ZNF730: variants seen among roughly 807,000 people sequenced by gnomAD.
The protein encoded by ZNF730 is zinc finger protein 730.
Under a neutral mutation model 12.6 loss-of-function variants are expected in ZNF730, and 12 were observed. That is an observed-to-expected ratio of 0.95 (90% confidence interval 0.61 to 1.54). ZNF730 has a LOEUF of 1.54. Ranked by LOEUF, ZNF730 falls within the 40% of genes most tolerant of loss-of-function variation. ZNF730 has a pLI of 0.00. For synonymous variants in ZNF730, 194 were observed against 195.8 expected, an observed-to-expected ratio of 0.99 and a Z score of 0.08; for missense variants, 643 against 583.5, an observed-to-expected ratio of 1.10 and a Z score of -1.05.
intron 1 of ZNF730, among the ~76,000 whole-genome samples, chr19:23,109,618 T>C (rs1423072197): frequency 6.6e-6 from 1 of 152,006 alleles, no homozygotes; most frequent in African/African-American, 2.4e-5. Context: ...GTCAGGCTGG[T>C]TTTGAACTCC....
intron 1 of ZNF730, among the ~76,000 whole-genome samples, chr19:23,099,348 A>G (rs1970301528): frequency 6.6e-6 from 1 of 152,182 alleles, no homozygotes; most frequent in Non-Finnish European, 1.5e-5. Flanking sequence ...TGACTCATGC[A>G]TACCATATAA....
At chr19:23,090,967 T>G (rs1160503811) in intron 1 of ZNF730, among the ~76,000 whole-genome samples, 1 of 149,768 alleles carries the variant, frequency 6.7e-6, no homozygotes, top group East Asian at 2.0e-4. Flanking sequence ...GCCATTGCAC[T>G]CCATCCTGGG....
At chr19:23,085,496 C>CTTTTTTTTTTTTTTTTTTTT (rs58871710) in intron 1 of ZNF730, among the ~76,000 whole-genome samples, 1 of 52,762 alleles carries the variant, frequency 1.9e-5, no homozygotes, top group Non-Finnish European at 3.6e-5. Flanking sequence ...CCATGCCCGT[C>CTTTTTTTTTTTTTTTTTTTT]TTTTTTTTTT....
rs778754808 is a variant in ZNF730, at chr19:23,146,219, TAG to T, written c.1179_1180del (p.Lys394IlefsTer5). On this transcript the variant is annotated frameshift_variant, in exon 4 of 4. Coordinates refer to ENST00000597761, the MANE Select transcript of ZNF730 (RefSeq NM_001277403.2). LOFTEE classifies it low-confidence loss of function (END_TRUNC). ...ACTATACATAAGATAATTCATACTGTAGAGAAATTTTACAAATGTGAAGAATG... is the reference window on the plus strand; with the variant it reads ...ACTATACATAAGATAATTCATACTGTAGAAATTTTACAAATGTGAAGAATG... 1 of 1,609,166 alleles carries T rather than the reference TAG, an allele frequency of 6.2e-7. No homozygotes were observed. Among genetic ancestry groups the T allele is most frequent in the Non-Finnish European group, 8.5e-7 (1 of 1,178,000 alleles).
chr19:23,132,577 C>T (rs1237961730), intron 1 of ZNF730, among the ~76,000 whole-genome samples: 1 of 150,496 alleles, frequency 6.6e-6, no homozygotes, highest in Admixed American at 6.6e-5. Context: ...AATTTATAAT[C>T]TGCAATATTA....
At chr19:23,112,714 C>T (rs1344637497), upstream of ZNF730, among the ~76,000 whole-genome samples, 1 of 145,968 alleles carries the variant, frequency 6.9e-6, no homozygotes, top group Non-Finnish European at 1.5e-5. Flanking sequence ...CAGAGCGAGA[C>T]TTCGTCTCAA....
intron 1 of ZNF730, among the ~76,000 whole-genome samples, chr19:23,108,967 C>T (rs1274165452): frequency 1.3e-5 from 2 of 152,038 alleles, no homozygotes; most frequent in Admixed American, 6.6e-5. Flanking sequence ...CCAGGCTGGT[C>T]TCGAACTCCT....
intron 1 of ZNF730, among the ~76,000 whole-genome samples, chr19:23,094,169 C>T (rs1970206219): frequency 6.6e-6 from 1 of 152,030 alleles, no homozygotes; most frequent in African/African-American, 2.4e-5. Flanking sequence ...TTTCCCTAGG[C>T]CCACTTCAAG....
At chr19:23,101,120 T>C (rs1241024116) in intron 1 of ZNF730, among the ~76,000 whole-genome samples, 1 of 152,200 alleles carries the variant, frequency 6.6e-6, no homozygotes, top group Non-Finnish European at 1.5e-5. Context: ...CTCTTGCATA[T>C]TGTATAAATC....
At chr19:23,094,384 A>G (rs1198532077) in intron 1 of ZNF730, among the ~76,000 whole-genome samples, 53 of 147,020 alleles carry the variant, frequency 3.6e-4, no homozygotes, top group Non-Finnish European at 6.2e-4. Context: ...CTATCTATCT[A>G]TCTATCTGTC....
At chr19:23,133,313 A>G (rs1325724752) in intron 1 of ZNF730, among the ~76,000 whole-genome samples, 3 of 152,046 alleles carry the variant, frequency 2.0e-5, no homozygotes, top group African/African-American at 7.2e-5. Flanking sequence ...TATTGGCATC[A>G]CTGGTCATCT....
At chr19:23,126,664 T>G (rs909643871) in intron 1 of ZNF730, 25 of 491,792 alleles carry the variant, frequency 5.1e-5, no homozygotes, top group Non-Finnish European at 9.2e-5. Flanking sequence ...TCCACTAGTT[T>G]TTTTTTTTTT....
At chr19:23,102,251 A>C (rs1274296694) in intron 1 of ZNF730, among the ~76,000 whole-genome samples, 1 of 152,024 alleles carries the variant, frequency 6.6e-6, no homozygotes, top group Non-Finnish European at 1.5e-5. Context: ...CTCAGCCCCC[A>C]TGTGGTGTGA....
In ZNF730 at chr19:23,091,088, C is replaced by G. The variant is rs578094712; in HGVS notation, c.-94+15701C>G. On this transcript the variant is annotated intron_variant, in intron 1 of 2. Transcript: ENST00000593635. ...GTGTGCAGCCTAAGGACTTGGTGTC[C>G]TGTGTCCCAGCTACTCTAGCCATGG... Among the ~76,000 whole-genome samples, 3 of 152,154 alleles carry G rather than the reference C, an allele frequency of 2.0e-5. No individual in the cohort carries two copies. The East Asian group carries it at 5.8e-4, about 29-fold the overall frequency.
Position 23,134,138 on chromosome 19 carries a change from T to C in ZNF730, c.62T>C (p.Leu21Pro). 6.2e-7 allele frequency: 1 copy of C among 1,613,468 alleles called. No individual in the cohort carries two copies. The highest frequency in any genetic ancestry group is 8.5e-7 in the Non-Finnish European group (1 of 1,179,756). The change falls in exon 2 of 4, where the codon CTG (leucine) becomes CCG (proline). Residue 21 changes from leucine to proline, a missense_variant. Transcript: ENST00000597761. ...TTCTCTCTGGAGGAGTGGCAATGTC[T>C]GGACACCGAACAACAGAATTTATAT... Reference protein sequence around the residue: ...IEFSLEEWQCLDTEQQNLYRN... With the variant: ...IEFSLEEWQCPDTEQQNLYRN...
chr19:23,116,324 C>CTTTTCTTTTCTTTTCT (rs1310267923), upstream of ZNF730, among the ~76,000 whole-genome samples: 6 of 25,052 alleles, frequency 2.4e-4, no homozygotes, highest in Non-Finnish European at 6.1e-4. Context: ...CTTTTCTTTT[C>CTTTTCTTTTCTTTTCT]TTTCTTTCTT....
chr19:23,085,136 C>A (rs1313342135), intron 1 of ZNF730, among the ~76,000 whole-genome samples: 1 of 152,064 alleles, frequency 6.6e-6, no homozygotes, highest in East Asian at 1.9e-4. Context: ...TATTATTTTG[C>A]TTTTTTAAAA....
chr19:23,104,093 G>A (rs183996824), intron 1 of ZNF730, among the ~76,000 whole-genome samples: 250 of 152,070 alleles, frequency 1.6e-3, no homozygotes, highest in African/African-American at 5.9e-3. Context: ...GGTGGATCAC[G>A]AGTTCAGATC....
chr19:23,079,868 T>C (rs1446240114), intron 1 of ZNF730, among the ~76,000 whole-genome samples: 4 of 152,150 alleles, frequency 2.6e-5, no homozygotes, highest in African/African-American at 4.8e-5. Flanking sequence ...TGTCTCTTTT[T>C]TTGACTATTT....
Sources: gnomAD v4.1 joint callset for allele counts (sites outside exome capture counted in the v4.1 genomes callset) on GRCh38, gnomAD v4.1.1 for gene constraint, MANE v1.5 for transcripts, NCBI Gene and HGNC (gene_info 2026-07-23, HGNC 2026-07-21) for gene names.